The following MECOM variants were observed in gnomAD, a reference collection of about 807,000 sequenced individuals.
MECOM encodes MDS1 and EVI1 complex locus.
Under a neutral mutation model 116.3 loss-of-function variants are expected in MECOM, and 13 were observed. That is an observed-to-expected ratio of 0.11 (90% CI 0.07 to 0.18). The LOEUF is 0.18. Among genes scored for constraint, MECOM ranks in the 10% least tolerant of loss-of-function variants. The pLI is 1.00. For synonymous variants in MECOM, 528 were observed against 535.2 expected (o/e 0.99, Z 0.19); for missense variants, 1,299 against 1,509.0 (o/e 0.86, Z 2.31).
intron 13 of MECOM, 110 bp from the exon 14 acceptor site, chr3:169,093,212 T>C: frequency 9.4e-7 from 1 of 1,067,566 alleles, no homozygotes; most frequent in Non-Finnish European, 1.3e-6. Flanking sequence ...AAACATGCCC[T>C]ATGAATATTA....
chr3:169,267,329 G>A (rs573159639), intron 2 of MECOM, among the ~76,000 whole-genome samples: 16 of 152,242 alleles, frequency 1.1e-4, no homozygotes, highest in African/African-American at 2.2e-4. Context: ...ATTGAGACCC[G>A]GTGTCTAATT....
intron 1 of MECOM, among the ~76,000 whole-genome samples, chr3:169,445,204 A>G (rs1434128110): frequency 6.6e-6 from 1 of 152,196 alleles, no homozygotes; most frequent in Non-Finnish European, 1.5e-5. Context: ...AAATGTAACC[A>G]GGCCATGTCA....
At chr3:169,504,483 C>T (rs546282176) in intron 1 of MECOM, among the ~76,000 whole-genome samples, 4 of 152,012 alleles carry the variant, frequency 2.6e-5, no homozygotes, top group African/African-American at 7.2e-5. Flanking sequence ...TGAAAGTTTA[C>T]GTAATGGTTA....
chr3:169,362,372 G>A (rs1352189255), intron 2 of MECOM, among the ~76,000 whole-genome samples: 2 of 151,792 alleles, frequency 1.3e-5, no homozygotes, highest in African/African-American at 2.4e-5. Context: ...GACTTCAGAG[G>A]GTAAAGTCAA....
At chr3:169,401,202 T>C (rs1162381958) in intron 1 of MECOM, among the ~76,000 whole-genome samples, 2 of 152,046 alleles carry the variant, frequency 1.3e-5, no homozygotes, top group African/African-American at 4.8e-5. Context: ...GCTCACGTAA[T>C]CCCTCCCCTT....
intron 2 of MECOM, among the ~76,000 whole-genome samples, chr3:169,289,975 G>A (rs1714179129): frequency 6.6e-6 from 1 of 152,150 alleles, no homozygotes; most frequent in African/African-American, 2.4e-5. Flanking sequence ...GGTACCAGGA[G>A]GAGTGTTAAC....
intron 1 of MECOM, among the ~76,000 whole-genome samples, chr3:169,645,210 C>T (rs574544170): frequency 1.3e-5 from 2 of 152,280 alleles, no homozygotes; most frequent in South Asian, 4.1e-4. Flanking sequence ...GGGCTACTGG[C>T]GTTCAACATC....
chr3:169,324,724 C>G (rs944529025), intron 2 of MECOM, among the ~76,000 whole-genome samples: 2 of 152,216 alleles, frequency 1.3e-5, no homozygotes, highest in African/African-American at 4.8e-5. Context: ...AACTTAGAAC[C>G]AACTTTCCTC....
At chr3:169,621,973 C>T (rs1224063544) in intron 1 of MECOM, among the ~76,000 whole-genome samples, 2 of 152,292 alleles carry the variant, frequency 1.3e-5, no homozygotes, top group East Asian at 3.9e-4. Flanking sequence ...AGAGACAAGA[C>T]ATGAGATAAA....
At chr3:169,632,859 A>G (rs1446840817) in intron 1 of MECOM, among the ~76,000 whole-genome samples, 1 of 152,186 alleles carries the variant, frequency 6.6e-6, no homozygotes, top group Non-Finnish European at 1.5e-5. Flanking sequence ...GCTTGGATGG[A>G]CTTCCTGAAC....
intron 2 of MECOM, among the ~76,000 whole-genome samples, chr3:169,327,420 A>T (rs1450086065): frequency 6.6e-6 from 1 of 152,138 alleles, no homozygotes; most frequent in Non-Finnish European, 1.5e-5. Context: ...TGGGCAGATC[A>T]CAAGGTGAGG....
At chr3:169,311,796 A>T (rs1297926537) in intron 2 of MECOM, among the ~76,000 whole-genome samples, 1 of 152,242 alleles carries the variant, frequency 6.6e-6, no homozygotes, top group Non-Finnish European at 1.5e-5. Context: ...CTAAAAGACA[A>T]GCTCATGACC....
intron 1 of MECOM, among the ~76,000 whole-genome samples, chr3:169,496,476 C>T (rs1021222741): frequency 9.9e-5 from 15 of 152,124 alleles, no homozygotes; most frequent in African/African-American, 3.4e-4. Context: ...TCAAGTGAAT[C>T]GTCAAACTAA....
chr3:169,605,663 T>G (rs1395685063), intron 1 of MECOM, among the ~76,000 whole-genome samples: 1 of 152,186 alleles, frequency 6.6e-6, no homozygotes, highest in Non-Finnish European at 1.5e-5. Context: ...CAGGTGAGGA[T>G]GCAGTACCAC....
At chr3:169,322,997 TAAAAAA>T (rs748984561) in intron 2 of MECOM, among the ~76,000 whole-genome samples, 5,044 of 55,500 alleles carry the variant, frequency 0.091, 121 homozygotes, top group African/African-American at 0.14. Flanking sequence ...AAGACTCCGG[TAAAAAA>T]AAAAAAAAAA....
intron 1 of MECOM, among the ~76,000 whole-genome samples, chr3:169,560,055 T>C (rs1212698087): frequency 6.6e-6 from 1 of 152,216 alleles, no homozygotes; most frequent in Admixed American, 6.5e-5. Context: ...GATGCCCATG[T>C]TCTATAAGAC....
chr3:169,479,980 C>T (rs1369743748), intron 1 of MECOM, among the ~76,000 whole-genome samples: 1 of 152,166 alleles, frequency 6.6e-6, no homozygotes, highest in African/African-American at 2.4e-5. Context: ...TACCAAGAGG[C>T]CTGAATGCTA....
intron 13 of MECOM, among the ~76,000 whole-genome samples, chr3:169,093,633 G>T (rs1327965261): frequency 6.6e-6 from 1 of 152,182 alleles, no homozygotes; most frequent in Non-Finnish European, 1.5e-5. Flanking sequence ...CAGTCCAGGG[G>T]TTGGTGCAGT....
intron 2 of MECOM, among the ~76,000 whole-genome samples, chr3:169,213,213 T>A (rs887143118): frequency 3.9e-5 from 6 of 152,094 alleles, no homozygotes; most frequent in African/African-American, 1.4e-4. Flanking sequence ...CTTGCATCCT[T>A]TAGGCATGTT....
Sources: allele counts gnomAD v4.1 joint callset (sites outside exome capture counted in the v4.1 genomes callset), GRCh38; gene constraint gnomAD v4.1.1; transcripts MANE v1.5; gene names NCBI Gene and HGNC (gene_info 2026-07-23, HGNC 2026-07-21).